Variants in RABGAP1L observed in about 807,000 individuals in gnomAD.
The protein encoded by RABGAP1L is rab GTPase-activating protein 1-like.
In RABGAP1L, 63 loss-of-function variants were observed where a neutral mutation model predicts 137.7. The ratio of observed to expected loss-of-function variants is 0.46; its 90% CI spans 0.37 to 0.56. The LOEUF is 0.56. Ranked by LOEUF, RABGAP1L falls within the 20% of genes least tolerant of loss-of-function variation. RABGAP1L has a pLI of 0.00. For missense variants in RABGAP1L, 1,095 were observed against 1,244.0 expected, an observed-to-expected ratio of 0.88 and a Z score of 1.80; for synonymous variants, 431 against 433.7, an observed-to-expected ratio of 0.99 and a Z score of 0.08.
At chr1:174,503,658 C>CAAAAAAAA (rs61588327) in intron 13 of RABGAP1L, among the ~76,000 whole-genome samples, 2,376 of 103,242 alleles carry the variant, frequency 0.023, 82 homozygotes, top group African/African-American at 0.03. Flanking sequence ...GAGACTCCGT[C>CAAAAAAAA]AAAAAAAAAA....
intron 14 of RABGAP1L, among the ~76,000 whole-genome samples, chr1:174,644,865 A>G (rs1250375744): frequency 6.6e-6 from 1 of 152,096 alleles, no homozygotes; most frequent in Non-Finnish European, 1.5e-5. Context: ...AAATAATGTG[A>G]ATCTGAATTG....
At chr1:174,848,540 G>GGGGGTCA (rs1647485813) in intron 19 of RABGAP1L, among the ~76,000 whole-genome samples, 1 of 148,838 alleles carries the variant, frequency 6.7e-6, no homozygotes, top group African/African-American at 2.5e-5. Flanking sequence ...TAGGCTGCTC[G>GGGGGTCA]GGGGTCAGGG....
chr1:174,235,400 G>A (rs1228552520), intron 4 of RABGAP1L, among the ~76,000 whole-genome samples: 1 of 83,210 alleles, frequency 1.2e-5, no homozygotes, highest in Non-Finnish European at 2.3e-5. Context: ...TATTGGCTGT[G>A]GGTTTGTCAT....
intron 13 of RABGAP1L, among the ~76,000 whole-genome samples, chr1:174,564,873 A>G (rs1283243353): frequency 6.6e-6 from 1 of 152,208 alleles, no homozygotes; most frequent in Non-Finnish European, 1.5e-5. Context: ...CACCCTGAAC[A>G]CATACCAAGG....
At chr1:174,612,472 G>C (rs991699514) in intron 13 of RABGAP1L, among the ~76,000 whole-genome samples, 3 of 152,090 alleles carry the variant, frequency 2.0e-5, no homozygotes, top group Non-Finnish European at 4.4e-5. Flanking sequence ...ATTTTATTCA[G>C]GATTTTTGCA....
intron 14 of RABGAP1L, among the ~76,000 whole-genome samples, chr1:174,682,930 G>GA (rs1444573250): frequency 6.6e-6 from 1 of 152,182 alleles, no homozygotes; most frequent in Non-Finnish European, 1.5e-5. Context: ...AAAAGCATGG[G>GA]ACAATGCTAA....
intron 13 of RABGAP1L, among the ~76,000 whole-genome samples, chr1:174,492,907 G>A (rs962035730): frequency 1.3e-5 from 2 of 151,532 alleles, no homozygotes. Context: ...CTCACTTTTT[G>A]TTTCCATAGC....
At chr1:174,903,841 T>A (rs1192381828) in intron 19 of RABGAP1L, among the ~76,000 whole-genome samples, 2 of 151,938 alleles carry the variant, frequency 1.3e-5, no homozygotes, top group African/African-American at 4.8e-5. Flanking sequence ...TCCCAGCTAC[T>A]TGGGAGGCTG....
intron 24 of RABGAP1L, among the ~76,000 whole-genome samples, chr1:174,986,994 C>A (rs1574083523): frequency 6.6e-6 from 1 of 152,260 alleles, no homozygotes; most frequent in East Asian, 1.9e-4. Flanking sequence ...GCTAATTATT[C>A]TCAGAGGTTC....
chr1:174,677,304 A>G (rs772477944), intron 14 of RABGAP1L, among the ~76,000 whole-genome samples: 5 of 152,204 alleles, frequency 3.3e-5, no homozygotes, highest in Non-Finnish European at 7.3e-5. Flanking sequence ...ACAAACAAAC[A>G]AGAATCAGGG....
chr1:174,297,197 T>G (rs1677205252), intron 10 of RABGAP1L, among the ~76,000 whole-genome samples: 1 of 152,180 alleles, frequency 6.6e-6, no homozygotes, highest in Non-Finnish European at 1.5e-5. Context: ...GAGAAAAACA[T>G]AGAAATTTAT....
At chr1:174,316,621 TAAAC>T (rs1267440896) in intron 11 of RABGAP1L, among the ~76,000 whole-genome samples, 2 of 152,102 alleles carry the variant, frequency 1.3e-5, no homozygotes, top group Admixed American at 6.5e-5. Context: ...GAGTTTCTCC[TAAAC>T]AAACAGTCTC....
intron 16 of RABGAP1L, chr1:174,701,060 A>G: frequency 7.7e-7 from 1 of 1,303,066 alleles, no homozygotes; most frequent in Non-Finnish European, 1.0e-6. Context: ...ATGTAGTTCA[A>G]GAAATGGCTT....
intron 14 of RABGAP1L, among the ~76,000 whole-genome samples, chr1:174,672,274 TTC>T (rs1677237933): frequency 7.3e-6 from 1 of 137,476 alleles, no homozygotes. Context: ...GATTTTTTTT[TTC>T]CTTTCTTTTT....
intron 14 of RABGAP1L, among the ~76,000 whole-genome samples, chr1:174,654,586 A>G (rs1423419053): frequency 1.3e-5 from 2 of 152,188 alleles, no homozygotes; most frequent in Admixed American, 6.5e-5. Context: ...GTAATTTACC[A>G]TATTCAGTTA....
chr1:174,942,865 A>T (rs1666124688), intron 19 of RABGAP1L, among the ~76,000 whole-genome samples: 1 of 152,158 alleles, frequency 6.6e-6, no homozygotes, highest in African/African-American at 2.4e-5. Flanking sequence ...TGGTGCTTAT[A>T]CCTTTCTTGT....
chr1:174,929,676 G>A (rs116124386), intron 19 of RABGAP1L, among the ~76,000 whole-genome samples: 2,866 of 151,682 alleles, frequency 0.019, 94 homozygotes, highest in African/African-American at 0.064. Flanking sequence ...CCAAGAGGTC[G>A]AGGCTACAGT....
intron 13 of RABGAP1L, among the ~76,000 whole-genome samples, chr1:174,600,261 G>A (rs1670310958): frequency 6.6e-6 from 1 of 152,142 alleles, no homozygotes; most frequent in African/African-American, 2.4e-5. Context: ...GGAATTCTGG[G>A]AGATACAATT....
At chr1:174,865,592 T>A (rs980432732) in intron 19 of RABGAP1L, among the ~76,000 whole-genome samples, 1 of 152,050 alleles carries the variant, frequency 6.6e-6, no homozygotes, top group African/African-American at 2.4e-5. Context: ...TTTTTTGTTT[T>A]AATGGAGTAT....
Sources: gnomAD v4.1 joint callset for allele counts (sites outside exome capture counted in the v4.1 genomes callset) on GRCh38, gnomAD v4.1.1 for gene constraint, MANE v1.5 for transcripts, NCBI Gene and HGNC (gene_info 2026-07-23, HGNC 2026-07-21) for gene names.